The following SV2C variants were observed in gnomAD, a reference collection of about 807,000 sequenced individuals.
The protein encoded by SV2C is synaptic vesicle glycoprotein 2C.
Under a neutral mutation model 79.7 loss-of-function variants are expected in SV2C, and 49 were observed. The ratio of observed to expected loss-of-function variants is 0.61; its 90% CI spans 0.49 to 0.78. SV2C has a LOEUF of 0.78. Ranked by LOEUF, SV2C falls within the 30% of genes least tolerant of loss-of-function variation. SV2C has a pLI of 0.00. For missense variants in SV2C, 833 were observed against 912.9 expected, an observed-to-expected ratio of 0.91 and a Z score of 1.13; for synonymous variants, 334 against 333.2, an observed-to-expected ratio of 1.00 and a Z score of -0.03.
At chr5:75,902,149 A>G in the SV2C span, among the ~76,000 whole-genome samples, 1 of 152,138 alleles carries the variant, frequency 6.6e-6, no homozygotes, top group Admixed American at 6.5e-5. Context: ...GGTACCTCAG[A>G]TGGAAATGCA....
At chr5:76,110,921 G>T (rs929661238) in intron 1 of SV2C, among the ~76,000 whole-genome samples, 2 of 152,164 alleles carry the variant, frequency 1.3e-5, no homozygotes, top group Non-Finnish European at 2.9e-5. Context: ...GTTCACATTT[G>T]CTAGAACCGG....
the SV2C span, among the ~76,000 whole-genome samples, chr5:75,974,136 T>C: frequency 6.6e-6 from 1 of 152,042 alleles, no homozygotes; most frequent in South Asian, 2.1e-4. Flanking sequence ...AATGAAACAA[T>C]AATGATCCTG....
the SV2C span, among the ~76,000 whole-genome samples, chr5:75,966,936 C>T: frequency 1.3e-5 from 2 of 152,152 alleles, no homozygotes; most frequent in African/African-American, 2.4e-5. Flanking sequence ...TGACTTGCGG[C>T]AACTTACTAA....
At chr5:76,177,173 T>C (rs1743560215) in intron 2 of SV2C, among the ~76,000 whole-genome samples, 1 of 148,450 alleles carries the variant, frequency 6.7e-6, no homozygotes, top group African/African-American at 2.4e-5. Context: ...TAATCAATTA[T>C]ATTAATCAAT....
At chr5:76,087,662 C>T (rs1419608766) in intron 1 of SV2C, among the ~76,000 whole-genome samples, 3 of 152,102 alleles carry the variant, frequency 2.0e-5, no homozygotes, top group Non-Finnish European at 4.4e-5. Context: ...CCAAGTGAGT[C>T]GGATGTTATC....
intron 4 of SV2C, among the ~76,000 whole-genome samples, chr5:76,239,921 T>C (rs1045279284): frequency 6.6e-6 from 1 of 152,218 alleles, no homozygotes; most frequent in Non-Finnish European, 1.5e-5. Flanking sequence ...CCAGGAGGGC[T>C]ATCTGCTTCC....
At chr5:75,982,419 T>C in the SV2C span, among the ~76,000 whole-genome samples, 1 of 151,998 alleles carries the variant, frequency 6.6e-6, no homozygotes, top group Non-Finnish European at 1.5e-5. Flanking sequence ...TGAGATACCA[T>C]CTCACACCCA....
chr5:75,853,982 T>C, the SV2C span, among the ~76,000 whole-genome samples: 1,393 of 147,236 alleles, frequency 9.5e-3, 22 homozygotes, highest in African/African-American at 0.031. Context: ...AAATATAGAA[T>C]GCATCTATCA....
At chr5:76,130,159 AAAAAAAAAAAAAAAAAAAAAAG>A (rs1328458236) in intron 1 of SV2C, among the ~76,000 whole-genome samples, 6 of 72,838 alleles carry the variant, frequency 8.2e-5, no homozygotes, top group African/African-American at 2.0e-4. Flanking sequence ...AAAAAAAAAA[AAAAAAAAAAAAAAAAAAAAAAG>A]AGCTGGGGGA....
intron 4 of SV2C, among the ~76,000 whole-genome samples, chr5:76,274,600 G>C (rs1458114715): frequency 6.6e-6 from 1 of 151,500 alleles, no homozygotes; most frequent in Non-Finnish European, 1.5e-5. Context: ...CCATTGTAAG[G>C]CTATACCATA....
chr5:76,334,171 G>A (rs150949264), downstream of SV2C, among the ~76,000 whole-genome samples: 223 of 152,322 alleles, frequency 1.5e-3, no homozygotes, highest in East Asian at 5.8e-3. Context: ...GAATATGTTC[G>A]TGGGGGAGTT....
At chr5:76,040,656 G>A in the SV2C span, among the ~76,000 whole-genome samples, 26 of 152,100 alleles carry the variant, frequency 1.7e-4, no homozygotes, top group African/African-American at 5.6e-4. Context: ...TGCTTCTTTC[G>A]AAGCAAATGG....
At chr5:75,921,413 T>A in the SV2C span, 8 of 806,540 alleles carry the variant, frequency 9.9e-6, no homozygotes, top group Non-Finnish European at 1.8e-5. Flanking sequence ...TTGGGGAAGC[T>A]CATATTGCGT....
the SV2C span, among the ~76,000 whole-genome samples, chr5:75,992,112 G>C: frequency 6.6e-6 from 1 of 151,914 alleles, no homozygotes; most frequent in East Asian, 1.9e-4. Flanking sequence ...CTGAAAAATT[G>C]ACATGTTTAT....
chr5:76,269,397 A>C (rs1389231441), intron 4 of SV2C, among the ~76,000 whole-genome samples: 1 of 152,218 alleles, frequency 6.6e-6, no homozygotes, highest in African/African-American at 2.4e-5. Flanking sequence ...ACTAAAAACG[A>C]ATTTTTATCA....
At chr5:76,139,851 A>G (rs1451291041) in intron 2 of SV2C, among the ~76,000 whole-genome samples, 1 of 72,194 alleles carries the variant, frequency 1.4e-5, no homozygotes. Flanking sequence ...GAAGCTCTTG[A>G]AAGTATTTTT....
At chr5:76,137,134 TA>T (rs1232146013) in intron 2 of SV2C, among the ~76,000 whole-genome samples, 1 of 152,178 alleles carries the variant, frequency 6.6e-6, no homozygotes, top group Non-Finnish European at 1.5e-5. Flanking sequence ...AATACCCAAT[TA>T]GATTGGGAGG....
chr5:75,963,463 A>T, the SV2C span, among the ~76,000 whole-genome samples: 770 of 152,206 alleles, frequency 5.1e-3, 9 homozygotes, highest in African/African-American at 0.016. Context: ...TTTTGGACAG[A>T]GGTTTTGTCT....
chr5:76,233,281 A>C (rs1745494796), intron 4 of SV2C, among the ~76,000 whole-genome samples: 4 of 92,414 alleles, frequency 4.3e-5, no homozygotes, highest in Admixed American at 2.3e-4. Flanking sequence ...ATTTTTGTAC[A>C]TTGATTTTGT....
Sources: allele counts gnomAD v4.1 joint callset (sites outside exome capture counted in the v4.1 genomes callset), GRCh38; gene constraint gnomAD v4.1.1; transcripts MANE v1.5; gene names NCBI Gene and HGNC (gene_info 2026-07-23, HGNC 2026-07-21).